Variants in FAM156A observed in about 807,000 individuals in gnomAD.
FAM156A encodes protein FAM156A/FAM156B.
At chrX:52,989,908 A>C (rs1336894855) in intron 1 of FAM156A, among the ~76,000 whole-genome samples, 1 of 112,569 alleles carries the variant, frequency 8.9e-6, no homozygotes, top group Non-Finnish European at 1.9e-5. Context: ...TGTAGAAGAA[A>C]GCATATAATG....
At chrX:52,988,237 C>T (rs1435005486) in intron 1 of FAM156A, among the ~76,000 whole-genome samples, 1 of 99,324 alleles carries the variant, frequency 1.0e-5, no homozygotes, top group Non-Finnish European at 2.0e-5. Context: ...CAGAGCAAGA[C>T]TCTGTCTCAA....
At chrX:52,994,043 A>T (rs1254822938) in intron 1 of FAM156A, among the ~76,000 whole-genome samples, 1 of 111,173 alleles carries the variant, frequency 9.0e-6, no homozygotes, top group African/African-American at 3.3e-5. Flanking sequence ...CAGGCTTTGA[A>T]ATCATGTCTG....
At chrX:52,993,554 A>T (rs1292775687) in intron 1 of FAM156A, among the ~76,000 whole-genome samples, 1 of 108,607 alleles carries the variant, frequency 9.2e-6, no homozygotes, top group Non-Finnish European at 1.9e-5. Flanking sequence ...AGCTGGGATT[A>T]TAGGTGTCTG....
Position 52,991,343 on chromosome X carries a change from G to A in FAM156A, c.-434+3963C>T, listed in dbSNP as rs185260855. On this transcript the variant is annotated intron_variant, in intron 1 of 4. Transcript: ENST00000610625. Reference sequence around the variant, plus strand: ...CTTATGTCCAAAGGCAGGAGAAGACGGGGTGTCCCAACTCCAGAAGACAGC... The same window carrying A: ...CTTATGTCCAAAGGCAGGAGAAGACAGGGTGTCCCAACTCCAGAAGACAGC... Among the ~76,000 whole-genome samples the A allele has an allele frequency of 3.0e-3, 336 of 110,852 alleles. 2 individuals are homozygous for A. Among genetic ancestry groups the A allele is most frequent in the South Asian group, 8.2e-3 (21 of 2,563 alleles).
rs1400742387 is a variant in FAM156A, at chrX:52,980,780, CTCTG to C, written c.-434+14522_-434+14525del. Among the ~76,000 whole-genome samples the C allele has an allele frequency of 5.4e-3, 335 of 61,823 alleles. 22 individuals carry two copies. The Admixed American group carries it at 0.068, about 12-fold the overall frequency. 53.7% of individuals were successfully genotyped at this position (61,823 alleles called of 115,157 possible). On this transcript the variant is annotated intron_variant, in intron 1 of 4. Transcript: ENST00000610625. ...GTAAGCAGCCTTTTGGTTAGGGTTCCTCTGTGTGTGTGTGTGTGTGTGTGTGTGT... is the reference window on the plus strand; with the variant it reads ...GTAAGCAGCCTTTTGGTTAGGGTTCCTGTGTGTGTGTGTGTGTGTGTGTGT...
chrX:52,978,772 C>T (rs1231956201), intron 1 of FAM156A, among the ~76,000 whole-genome samples: 1 of 112,011 alleles, frequency 8.9e-6, no homozygotes, highest in Non-Finnish European at 1.9e-5. Context: ...ACGTCAGTGT[C>T]GGTCTCCTCA....
intron 1 of FAM156A, among the ~76,000 whole-genome samples, chrX:52,980,872 A>G (rs782566555): frequency 1.0e-5 from 1 of 95,670 alleles, no homozygotes; most frequent in South Asian, 5.1e-4. Context: ...AGAGAGAGAG[A>G]GGCTGTGGGG....
At chrX:52,977,433 CA>C (rs1277045030) in intron 1 of FAM156A, among the ~76,000 whole-genome samples, 2 of 110,813 alleles carry the variant, frequency 1.8e-5, no homozygotes, top group African/African-American at 6.6e-5. Context: ...TTCCTTAGAT[CA>C]AAAATGAATT....
At chrX:52,976,728 T>A (rs1929498451) in intron 1 of FAM156A, among the ~76,000 whole-genome samples, 1 of 111,531 alleles carries the variant, frequency 9.0e-6, no homozygotes, top group Non-Finnish European at 1.9e-5. Context: ...GCTGCTAACA[T>A]CCATGGTAGC....
At chrX:52,988,194 C>T (rs190303852) in intron 1 of FAM156A, among the ~76,000 whole-genome samples, 1,078 of 105,669 alleles carry the variant, frequency 0.01, 17 homozygotes, top group African/African-American at 0.036. Context: ...TGCAGTGAGC[C>T]GAGATCACGC....
intron 1 of FAM156A, among the ~76,000 whole-genome samples, chrX:52,979,322 C>T (rs1929698678): frequency 9.0e-6 from 1 of 111,323 alleles, no homozygotes; most frequent in Non-Finnish European, 1.9e-5. Flanking sequence ...GTATGGGCTC[C>T]TCTCAGGGAC....
At chrX:52,991,871 G>A (rs1028029581) in intron 1 of FAM156A, among the ~76,000 whole-genome samples, 18 of 109,385 alleles carry the variant, frequency 1.6e-4, no homozygotes, top group Non-Finnish European at 3.4e-4. Context: ...CTGACCAGTT[G>A]TCTCACCTCT....
intron 1 of FAM156A, among the ~76,000 whole-genome samples, chrX:52,985,218 GA>G (rs782074152): frequency 5.1e-4 from 48 of 94,303 alleles, no homozygotes; most frequent in South Asian, 2.3e-3. Flanking sequence ...ATCAAAATAG[GA>G]AAAAAAAAAA....
intron 1 of FAM156A, among the ~76,000 whole-genome samples, chrX:52,987,371 G>A (rs1206235718): frequency 8.9e-6 from 1 of 111,866 alleles, no homozygotes; most frequent in Admixed American, 9.5e-5. Flanking sequence ...CAGTCAAAAT[G>A]ACTTTGAACT....
chrX:52,978,523 T>C (rs1362217839), intron 1 of FAM156A, among the ~76,000 whole-genome samples: 1 of 112,281 alleles, frequency 8.9e-6, no homozygotes, highest in Non-Finnish European at 1.9e-5. Context: ...CACCCAGCAG[T>C]GAGTGCTGGA....
intron 1 of FAM156A, among the ~76,000 whole-genome samples, chrX:52,976,438 C>T (rs1252476236): frequency 1.8e-5 from 2 of 109,485 alleles, no homozygotes; most frequent in African/African-American, 3.3e-5. Context: ...ATCAGGACTC[C>T]ATCTCAAAAA....
intron 1 of FAM156A, among the ~76,000 whole-genome samples, chrX:52,974,957 G>A (rs1394676872): frequency 5.5e-5 from 6 of 109,964 alleles, no homozygotes; most frequent in Non-Finnish European, 1.9e-5. Flanking sequence ...AATGAGCAAA[G>A]GCAGTTAGCT....
At chrX:52,983,068 A>T (rs1325379764) in intron 1 of FAM156A, among the ~76,000 whole-genome samples, 2 of 112,605 alleles carry the variant, frequency 1.8e-5, no homozygotes, top group African/African-American at 6.5e-5. Context: ...CCTAGACAAC[A>T]CAGAGAAACT....
At chrX:52,994,512 G>A in intron 1 of FAM156A, among the ~76,000 whole-genome samples, 1 of 111,326 alleles carries the variant, frequency 9.0e-6, no homozygotes, top group Non-Finnish European at 1.9e-5. Context: ...CCTCCAAACA[G>A]CTCAGATACT....
Sources: allele counts gnomAD v4.1 joint callset (sites outside exome capture counted in the v4.1 genomes callset), GRCh38; gene constraint gnomAD v4.1.1; transcripts MANE v1.5; gene names NCBI Gene and HGNC (gene_info 2026-07-23, HGNC 2026-07-21).